ZCCHC8: variants seen among roughly 807,000 people sequenced by gnomAD.
ZCCHC8 encodes the protein zinc finger CCHC domain-containing protein 8.
In ZCCHC8, 27 loss-of-function variants were observed where a neutral mutation model predicts 70.6. The observed-to-expected ratio is 0.38, with a 90% CI of 0.28 to 0.53. The LOEUF (loss-of-function observed/expected upper bound fraction) is 0.53, where lower values mean the gene tolerates loss of function less well. ZCCHC8 is among the 20% of genes least tolerant of loss of function. The pLI is 0.81. For synonymous variants in ZCCHC8, 293 were observed against 317.4 expected (o/e 0.92, Z 0.82); for missense variants, 737 against 876.9 (o/e 0.84, Z 2.01).
chr12:122,476,534 C>A (rs1470738553), intron 13 of ZCCHC8, among the ~76,000 whole-genome samples: 1 of 151,728 alleles, frequency 6.6e-6, no homozygotes, highest in East Asian at 1.9e-4. Context: ...TCTGAGGCTG[C>A]ACTGAGCCAT....
rs143440522 is a variant in ZCCHC8, at chr12:122,495,306, A to G, written c.243-2517T>C. ...GGAGCTGGAGACCAGCTTGGCCAAC[A>G]TGGTGAAACCCCATCTCTGCCAAAA... is the stretch of plus-strand genomic sequence containing the variant. On this transcript the variant is annotated intron_variant, in intron 2 of 13. Transcript: ENST00000633063. 9.5e-3 allele frequency among the ~76,000 whole-genome samples: 1,439 copies of G among 152,198 alleles called. 22 individuals are homozygous for G. The highest frequency in any genetic ancestry group is 0.033 in the African/African-American group (1,376 of 41,506).
At chr12:122,482,944 A>T (rs895793595) in intron 7 of ZCCHC8, 12 of 519,562 alleles carry the variant, frequency 2.3e-5, no homozygotes, top group Non-Finnish European at 6.7e-6. Context: ...GAGTTTTTTC[A>T]GTGGTTAACA....
intron 10 of ZCCHC8, 68 bp downstream of exon 10, chr12:122,481,454 T>C (rs1459597053): frequency 7.5e-6 from 11 of 1,470,298 alleles, no homozygotes; most frequent in African/African-American, 6.3e-5. Flanking sequence ...TCACATTTTG[T>C]TGTGATTCTT....
At chr12:122,482,376 G>GA (rs1377347733) in intron 8 of ZCCHC8, 1 of 422,890 alleles carries the variant, frequency 2.4e-6, no homozygotes, top group Non-Finnish European at 4.2e-6. Flanking sequence ...ATTATTTACT[G>GA]AAAAAATTTA....
Position 122,500,893 on chromosome 12 carries a change from G to C in ZCCHC8, c.-53C>G. 3 of 1,535,906 alleles carry C rather than the reference G, an allele frequency of 2.0e-6. No individual in the cohort carries two copies. The highest frequency in any genetic ancestry group is 2.4e-5 in the East Asian group (1 of 40,824). On this transcript the variant is annotated 5_prime_UTR_variant, in exon 1 of 14. Transcript: ENST00000633063. This position sits in a 1 kb window ranked among gnomAD's most constrained non-coding sequence, Gnocchi z 4.8. ...AGGCGGAGCCGGCCACCAGGGCTTGGGGAAGAAGGTTGGAAGGCGGCACCA... is the reference window on the plus strand; with the variant it reads ...AGGCGGAGCCGGCCACCAGGGCTTGCGGAAGAAGGTTGGAAGGCGGCACCA...
intron 5 of ZCCHC8, among the ~76,000 whole-genome samples, chr12:122,484,560 A>G (rs1957599204): frequency 1.3e-5 from 2 of 150,528 alleles, no homozygotes; most frequent in African/African-American, 4.9e-5. Context: ...CACTACACAC[A>G]GCTAATTTTT....
intron 11 of ZCCHC8, among the ~76,000 whole-genome samples, chr12:122,479,851 T>A (rs1957495874): frequency 1.3e-5 from 2 of 152,222 alleles, no homozygotes; most frequent in Admixed American, 1.3e-4. Context: ...TAGGTGTATA[T>A]GAATTAACTA....
chr12:122,480,179 A>C lies in ZCCHC8; in HGVS notation c.1140+11T>G. On this transcript the variant is annotated intron_variant, in intron 11 of 13. Coordinates refer to ENST00000633063, the MANE Select transcript of ZCCHC8 (RefSeq NM_017612.5). The stretch of plus-strand genomic sequence containing the variant: ...CATCACATGATAATTTAAAAAAATC[A>C]ATATACTTACGTCTGGAATTCCTCT... 6.4e-7 allele frequency: 1 copy of C among 1,555,466 alleles called. No homozygotes were observed. The highest frequency in any genetic ancestry group is 8.8e-7 in the Non-Finnish European group (1 of 1,141,596).
chr12:122,487,753 G>A (rs1010819829), intron 5 of ZCCHC8, among the ~76,000 whole-genome samples: 2 of 152,054 alleles, frequency 1.3e-5, no homozygotes, highest in Non-Finnish European at 2.9e-5. Context: ...GTAGAGATGC[G>A]ACATCCTTTG....
At chr12:122,485,901 T>C (rs1957626733) in intron 5 of ZCCHC8, among the ~76,000 whole-genome samples, 1 of 152,126 alleles carries the variant, frequency 6.6e-6, no homozygotes, top group Non-Finnish European at 1.5e-5. Context: ...GATGACTCTT[T>C]TGCTCTCATA....
intron 12 of ZCCHC8, 42 bp downstream of exon 12, chr12:122,478,164 C>T (rs908232820): frequency 4.1e-6 from 6 of 1,475,448 alleles, no homozygotes; most frequent in Non-Finnish European, 5.6e-6. Context: ...ATCTCGCAGA[C>T]ACAACAACAT....
At chr12:122,492,679 C>T (rs748234167) in intron 3 of ZCCHC8, 36 bp downstream of exon 3, 1 of 1,310,390 alleles carries the variant, frequency 7.6e-7, no homozygotes, top group Non-Finnish European at 1.1e-6. Context: ...TCCATAAACA[C>T]ATTATTATAT....
chr12:122,484,242 T>TCAGCTATTTTTTTGCC (rs985570869), intron 5 of ZCCHC8: 18 of 151,892 alleles, frequency 1.2e-4, no homozygotes, highest in African/African-American at 3.9e-4. Flanking sequence ...ACAAGCACGG[T>TCAGCTATTTTTTTGCC]CAGCTATTTT....
chr12:122,499,179 T>A, intron 1 of ZCCHC8: 1 of 408,978 alleles, frequency 2.4e-6, no homozygotes, highest in Non-Finnish European at 4.5e-6. Context: ...CAACAACCAC[T>A]ATGTGATAAA....
Position 122,495,791 on chromosome 12 carries a change from T to C in ZCCHC8, c.243-3002A>G, listed in dbSNP as rs1481175268. 3.0e-5 allele frequency among the ~76,000 whole-genome samples: 4 copies of C among 132,218 alleles called. No homozygotes were observed. The East Asian group carries it at 8.6e-4, about 28-fold the overall frequency. 86.7% of individuals were successfully genotyped at this position (132,218 alleles called of 152,430 possible). A position where few individuals can be genotyped will look rare whatever the true frequency, so the allele number is the denominator to read the frequency against. ...TGAACCTGGGAGGCAGAGGTTGCAG[T>C]GAGCCAAGATCGCACCACTGCACTA... On this transcript the variant is annotated intron_variant, in intron 2 of 13. Coordinates refer to ENST00000633063, the MANE Select transcript of ZCCHC8 (RefSeq NM_017612.5).
In ZCCHC8 at chr12:122,471,662, A is replaced by C. The variant is rs1957320259; in HGVS notation, c.*1835T>G. On this transcript the variant is annotated 3_prime_UTR_variant, in exon 14 of 14. Transcript: ENST00000633063. ...AGGAAAAGAAGCCAAAAGTATTTTA[A>C]ATTTTATTCTATTTCTAGCACATTC... The C allele has an allele frequency of 6.6e-6, 1 of 152,208 alleles. No homozygotes were observed. Among genetic ancestry groups the C allele is most frequent in the Admixed American group, 6.5e-5 (1 of 15,270 alleles). The allele number at this position is 152,208 out of a possible 1,614,324, so 9.4% of individuals were successfully genotyped here. A position where few individuals can be genotyped will look rare whatever the true frequency, so the allele number is the denominator to read the frequency against.
chr12:122,477,790 CAAAA>C (rs145158700), intron 13 of ZCCHC8, 47 bp downstream of exon 13: 2,375 of 996,596 alleles, frequency 2.4e-3, no homozygotes, highest in Non-Finnish European at 2.6e-3. Context: ...GACTCCATCT[CAAAA>C]AAAAAAAAAA....
In ZCCHC8 at chr12:122,482,644, A is replaced by G. The variant is rs778137426; in HGVS notation, c.723T>C (p.Asp241=). 3 of 1,605,932 alleles carry G rather than the reference A, an allele frequency of 1.9e-6. No homozygotes were observed. The highest frequency in any genetic ancestry group is 2.2e-5 in the East Asian group (1 of 44,712). Reference sequence around the variant, plus strand: ...CATGAGAAAAATTTACCATTGGGCAATCTTTCATTTGGTGTTCTTCAGAAC... The same window carrying G: ...CATGAGAAAAATTTACCATTGGGCAGTCTTTCATTTGGTGTTCTTCAGAAC... ...NCGSEEHQMK[D]CPMPRNAARI... The change falls in exon 8 of 14, where the codon GAT becomes GAC. Residue 241 remains aspartate (D), a synonymous_variant. Coordinates refer to ENST00000633063, the MANE Select transcript of ZCCHC8 (RefSeq NM_017612.5).
At chr12:122,488,676 G>A (rs1036730231) in intron 5 of ZCCHC8, among the ~76,000 whole-genome samples, 4 of 151,888 alleles carry the variant, frequency 2.6e-5, no homozygotes, top group African/African-American at 9.7e-5. Flanking sequence ...TTCGAGACCA[G>A]CCTGGCCAAC....
Sources: gnomAD v4.1 joint callset for allele counts (sites outside exome capture counted in the v4.1 genomes callset) on GRCh38, gnomAD v4.1.1 for gene constraint, Gnocchi (gnomAD v3.1) non-coding constraint, MANE v1.5 for transcripts, NCBI Gene and HGNC (gene_info 2026-07-23, HGNC 2026-07-21) for gene names.